CRPPA: variants seen among roughly 807,000 people sequenced by gnomAD.
The protein encoded by CRPPA is CDP-L-ribitol pyrophosphorylase A.
Under a neutral mutation model 52.0 loss-of-function variants are expected in CRPPA, and 43 were observed. The ratio of observed to expected loss-of-function variants is 0.83; its 90% CI spans 0.65 to 1.07. The LOEUF is 1.07. Among genes scored for constraint, CRPPA ranks in the 50% least tolerant of loss-of-function variants. CRPPA has a pLI of 0.00. For missense variants in CRPPA, 629 were observed against 551.7 expected (o/e 1.14, Z -1.40); for synonymous variants, 250 against 203.5 (o/e 1.23, Z -1.94).
intron 8 of CRPPA, among the ~76,000 whole-genome samples, chr7:16,218,970 C>A (rs930032275): frequency 2.0e-5 from 3 of 152,156 alleles, no homozygotes; most frequent in African/African-American, 7.2e-5. Flanking sequence ...ACTCTCCACC[C>A]CAAATCAACA....
intron 9 of CRPPA, among the ~76,000 whole-genome samples, chr7:16,201,496 G>A (rs963700791): frequency 6.6e-6 from 1 of 152,102 alleles, no homozygotes; most frequent in Non-Finnish European, 1.5e-5. Context: ...AAAAACCCTG[G>A]ACTCAGCCTC....
rs140908906 is a variant in CRPPA at position 16,283,546 on chromosome 7, CTA to C, written c.836-5322_836-5321del. ...GTGTATATATATATCTATAGATATA[CTA>C]TATATGTGTGTGTGTGTGTGTTTAT... On this transcript the variant is annotated intron_variant, in intron 5 of 9. Coordinates refer to ENST00000407010, the MANE Select transcript of CRPPA (RefSeq NM_001101426.4). 3.8e-3 allele frequency among the ~76,000 whole-genome samples: 565 copies of C among 149,982 alleles called. 2 individuals carry two copies. Among genetic ancestry groups the C allele is most frequent in the African/African-American group, 0.013 (545 of 40,960 alleles).
intron 9 of CRPPA, among the ~76,000 whole-genome samples, chr7:16,171,141 A>T (rs1781176898): frequency 1.3e-5 from 2 of 152,234 alleles, no homozygotes; most frequent in Non-Finnish European, 2.9e-5. Flanking sequence ...GTATCTTGTG[A>T]AAATTATTAA....
At chr7:16,286,020 C>CAAAAAAAAAAAAAA (rs1166330678) in intron 5 of CRPPA, among the ~76,000 whole-genome samples, 1 of 7,246 alleles carries the variant, frequency 1.4e-4, no homozygotes, top group African/African-American at 4.0e-4. Context: ...AACTCCATCT[C>CAAAAAAAAAAAAAA]AAAAAAAAAA....
chr7:16,203,745 G>T (rs1015008436), intron 9 of CRPPA, among the ~76,000 whole-genome samples: 2 of 152,010 alleles, frequency 1.3e-5, no homozygotes, highest in African/African-American at 4.8e-5. Flanking sequence ...TCTGACATTT[G>T]CCATTAAGAA....
chr7:16,266,003 T>G (rs1783943187), intron 6 of CRPPA, among the ~76,000 whole-genome samples: 1 of 152,150 alleles, frequency 6.6e-6, no homozygotes, highest in Non-Finnish European at 1.5e-5. Flanking sequence ...ACTATTACCT[T>G]GTCACAGACA....
In CRPPA at chr7:16,146,116, G is replaced by A. The variant is rs554225155; in HGVS notation, c.1252-54317C>T. ...TACAAACATCCATATGACTATGACT[G>A]GATTTCTCAGCAGAAACCTTTCAAG... is the stretch of plus-strand genomic sequence containing the variant. On this transcript the variant is annotated intron_variant, in intron 9 of 9. Transcript: ENST00000407010. Among the ~76,000 whole-genome samples, 6 of 151,934 alleles carry A rather than the reference G, an allele frequency of 3.9e-5. No individual in the cohort carries two copies. In the South Asian group the frequency reaches 1.2e-3, roughly 32 times the overall value.
intron 8 of CRPPA, among the ~76,000 whole-genome samples, chr7:16,257,884 C>T (rs1783685693): frequency 1.3e-5 from 2 of 151,970 alleles, no homozygotes; most frequent in African/African-American, 2.4e-5. Context: ...TTTAGATTTT[C>T]ATGGAAAAAT....
chr7:16,208,956 T>C, intron 9 of CRPPA: 1 of 412,636 alleles, frequency 2.4e-6, no homozygotes, highest in Non-Finnish European at 4.8e-6. Context: ...TGGTGAACAT[T>C]CCTAAAATCC....
rs1403679924 is a variant in CRPPA at position 16,275,112 on chromosome 7, A to C, written c.933+3017T>G. ...TATTAGTGGGTAGGGATAAATTGGC[A>C]GCACATATAAAGACACACACAGTTT... On this transcript the variant is annotated intron_variant, in intron 6 of 9. Transcript: ENST00000407010. Among the ~76,000 whole-genome samples the C allele has an allele frequency of 2.6e-5, 4 of 152,146 alleles. No individual in the cohort carries two copies. In the East Asian group the frequency reaches 5.8e-4, roughly 22 times the overall value.
Position 16,317,292 on chromosome 7 carries a change from A to G in CRPPA, c.685-8665T>C, listed in dbSNP as rs149673070. Among the ~76,000 whole-genome samples the G allele has an allele frequency of 1.9e-4, 29 of 152,330 alleles. No homozygotes were observed. The South Asian group carries it at 2.7e-3, about 14-fold the overall frequency. ...TAAAAGTTATTATAAAAAAACAAACATAACAGCACATCTGATGTACCTGGT... is the reference window on the plus strand; with the variant it reads ...TAAAAGTTATTATAAAAAAACAAACGTAACAGCACATCTGATGTACCTGGT... On this transcript the variant is annotated intron_variant, in intron 3 of 9. Transcript: ENST00000407010.
intron 5 of CRPPA, among the ~76,000 whole-genome samples, chr7:16,280,644 G>A (rs557011214): frequency 7.2e-5 from 11 of 152,070 alleles, no homozygotes; most frequent in South Asian, 2.1e-4. Flanking sequence ...AATTCTAAGC[G>A]CTACCCAACA....
chr7:16,351,719 T>C (rs1281713496), intron 3 of CRPPA, among the ~76,000 whole-genome samples: 1 of 152,068 alleles, frequency 6.6e-6, no homozygotes, highest in African/African-American at 2.4e-5. Context: ...TGAGATACCA[T>C]CTCATGCCAG....
intron 9 of CRPPA, among the ~76,000 whole-genome samples, chr7:16,113,814 T>TA (rs905075682): frequency 6.6e-6 from 1 of 151,946 alleles, no homozygotes; most frequent in Non-Finnish European, 1.5e-5. Flanking sequence ...AATCCCTTCT[T>TA]ACACTAAAGT....
chr7:16,395,156 G>A (rs1040870006), intron 2 of CRPPA, among the ~76,000 whole-genome samples: 1 of 152,122 alleles, frequency 6.6e-6, no homozygotes, highest in Non-Finnish European at 1.5e-5. Context: ...AATAAGCCCT[G>A]AATGGAAGCT....
At chr7:16,398,850 G>A (rs1394390424) in intron 2 of CRPPA, among the ~76,000 whole-genome samples, 12 of 152,042 alleles carry the variant, frequency 7.9e-5, no homozygotes, top group Non-Finnish European at 1.5e-4. Flanking sequence ...CGCGATTTAC[G>A]TAACTGGCAT....
chr7:16,342,064 C>T (rs1035507109), intron 3 of CRPPA, among the ~76,000 whole-genome samples: 4 of 152,158 alleles, frequency 2.6e-5, no homozygotes, highest in Admixed American at 6.5e-5. Flanking sequence ...CCTCCACATA[C>T]ACAGGCACCT....
intron 9 of CRPPA, among the ~76,000 whole-genome samples, chr7:16,182,628 A>G (rs1781433321): frequency 6.6e-6 from 1 of 152,176 alleles, no homozygotes; most frequent in Non-Finnish European, 1.5e-5. Flanking sequence ...TCTTATTATA[A>G]TAAGAGAAAC....
chr7:16,179,907 C>T (rs891719909), intron 9 of CRPPA, among the ~76,000 whole-genome samples: 5 of 152,052 alleles, frequency 3.3e-5, no homozygotes, highest in Non-Finnish European at 5.9e-5. Flanking sequence ...CAGGAGCATC[C>T]ATTATATTTT....
Sources: allele counts gnomAD v4.1 joint callset (sites outside exome capture counted in the v4.1 genomes callset), GRCh38; gene constraint gnomAD v4.1.1; transcripts MANE v1.5; gene names NCBI Gene and HGNC (gene_info 2026-07-23, HGNC 2026-07-21).